The following ATXN3 variants were observed in gnomAD, a reference collection of about 807,000 sequenced individuals.
The protein encoded by ATXN3 is ataxin 3, also known as ataxin-3.
A neutral mutation model predicts 58.2 loss-of-function variants in ATXN3; 28 were observed. The observed-to-expected ratio is 0.48, with a 90% CI of 0.36 to 0.66. ATXN3 has a LOEUF of 0.66. Ranked by LOEUF, ATXN3 falls within the 30% of genes least tolerant of loss-of-function variation. ATXN3 has a pLI of 0.00. For synonymous variants in ATXN3, 113 were observed against 138.5 expected (o/e 0.82, Z 1.29); for missense variants, 321 against 422.1 (o/e 0.76, Z 2.10).
chr14:92,049,835 CAT>C (rs2057441973), upstream of ATXN3: 2 of 152,266 alleles, frequency 1.3e-5, no homozygotes, highest in Admixed American at 1.3e-4. Context: ...AAGAATGAGA[CAT>C]GTAAGTATCT....
In ATXN3 at chr14:92,083,273, C is replaced by T. The variant is rs759023768; in HGVS notation, c.476-15G>A. The T allele has an allele frequency of 2.4e-5, 38 of 1,587,486 alleles. No homozygotes were observed. The highest frequency in any genetic ancestry group is 3.2e-5 in the Non-Finnish European group (38 of 1,171,584). On this transcript the variant is annotated splice_polypyrimidine_tract_variant and intron_variant, in intron 6 of 10. Coordinates refer to ENST00000644486, the MANE Select transcript of ATXN3 (RefSeq NM_004993.6). ...TATAGAATAACCTAAAAAAAAAAGG[C>T]AAAAATCAACCTAACCAGTTAGTAA...
chr14:92,047,781 G>C (rs2057433952), intron 2 of ATXN3: 1 of 152,190 alleles, frequency 6.6e-6, no homozygotes, highest in South Asian at 2.1e-4. Flanking sequence ...AAGGGGTTTA[G>C]AATCCTGGCC....
At chr14:92,050,143 C>CGTGT (rs35730721), upstream of ATXN3, among the ~76,000 whole-genome samples, 7,049 of 147,612 alleles carry the variant, frequency 0.048, 194 homozygotes, top group Non-Finnish European at 0.053. Flanking sequence ...ACTTTGCTCT[C>CGTGT]GTGTGTGTGT....
intron 1 of ATXN3, among the ~76,000 whole-genome samples, chr14:92,099,738 C>T (rs965686936): frequency 2.6e-5 from 4 of 152,086 alleles, no homozygotes; most frequent in Admixed American, 6.6e-5. Flanking sequence ...CATGGTGGTG[C>T]GTGCTTGTAG....
At chr14:92,085,766 G>A (rs1050880914) in intron 6 of ATXN3, among the ~76,000 whole-genome samples, 5 of 152,172 alleles carry the variant, frequency 3.3e-5, no homozygotes, top group South Asian at 2.1e-4. Flanking sequence ...GTTAGTCAAA[G>A]CTAGGTGTTC....
intron 6 of ATXN3, among the ~76,000 whole-genome samples, chr14:92,087,374 C>T (rs534884559): frequency 5.1e-4 from 78 of 152,290 alleles, no homozygotes; most frequent in Middle Eastern, 3.4e-3. Context: ...TCACTTGAGC[C>T]CAGGAGTTTG....
At chr14:92,057,825 T>C (rs983911452), downstream of ATXN3, among the ~76,000 whole-genome samples, 1 of 152,126 alleles carries the variant, frequency 6.6e-6, no homozygotes, top group African/African-American at 2.4e-5. Flanking sequence ...GCCCTCAGTA[T>C]TAAAAATCAG....
intron 1 of ATXN3, among the ~76,000 whole-genome samples, chr14:92,100,994 G>A (rs1032760250): frequency 6.6e-6 from 1 of 152,026 alleles, no homozygotes; most frequent in African/African-American, 2.4e-5. Context: ...TATAGCAATA[G>A]TGACATCCAA....
chr14:92,106,233 G>A (rs574878588), intron 1 of ATXN3, among the ~76,000 whole-genome samples: 5 of 152,278 alleles, frequency 3.3e-5, no homozygotes, highest in African/African-American at 1.2e-4. Flanking sequence ...GAAAGTGACG[G>A]AGAAAGGCAG....
intron 1 of ATXN3, among the ~76,000 whole-genome samples, chr14:92,105,655 G>C (rs1380371597): frequency 6.6e-6 from 1 of 152,076 alleles, no homozygotes; most frequent in Non-Finnish European, 1.5e-5. Flanking sequence ...AGCTGTCCTG[G>C]GGAAGGCTTC....
At chr14:92,087,972 G>A (rs1156719080) in intron 6 of ATXN3, among the ~76,000 whole-genome samples, 2 of 152,222 alleles carry the variant, frequency 1.3e-5, no homozygotes, top group South Asian at 2.1e-4. Flanking sequence ...AAAAGACAAC[G>A]AGTCAGATCC....
intron 9 of ATXN3, among the ~76,000 whole-genome samples, chr14:92,075,409 C>T (rs1012646381): frequency 6.6e-6 from 1 of 152,080 alleles, no homozygotes; most frequent in Non-Finnish European, 1.5e-5. Context: ...TCAGATGATT[C>T]GCCTGCCTTG....
intron 3 of ATXN3, among the ~76,000 whole-genome samples, chr14:92,095,160 T>G (rs1042825663): frequency 9.2e-5 from 14 of 151,978 alleles, no homozygotes; most frequent in African/African-American, 3.1e-4. Flanking sequence ...TAGGCTGATT[T>G]AAAAGGATGG....
At chr14:92,050,617 A>G (rs2057444712), upstream of ATXN3, 1 of 152,298 alleles carries the variant, frequency 6.6e-6, no homozygotes, top group South Asian at 2.1e-4. Flanking sequence ...AAGCAGTGGG[A>G]TCATCAATAT....
At chr14:92,090,589 A>G (rs1056180294) in intron 5 of ATXN3, 10 of 152,236 alleles carry the variant, frequency 6.6e-5, no homozygotes, top group Admixed American at 4.6e-4. Flanking sequence ...GAAAGAGTCT[A>G]TAGTGAAAAA....
At chr14:92,051,718 CTTTTTTTTTTTTTTTTT>C (rs1160650510), upstream of ATXN3, among the ~76,000 whole-genome samples, 2 of 35,692 alleles carry the variant, frequency 5.6e-5, no homozygotes, top group South Asian at 1.8e-3. Flanking sequence ...CTTTTCCTTT[CTTTTTTTTTTTTTTTTT>C]TTTTTTTTTT....
In ATXN3 at chr14:92,079,185, C is replaced by CAAAAAAAAA. The variant is rs35515547; in HGVS notation, c.872+1771_872+1779dup. Among the ~76,000 whole-genome samples the CAAAAAAAAA allele has an allele frequency of 1.0e-4, 8 of 77,042 alleles. 1 individual carries two copies. The highest frequency in any genetic ancestry group is 1.5e-4 in the Non-Finnish European group (6 of 38,792). 50.5% of individuals were successfully genotyped at this position (77,042 alleles called of 152,430 possible). ...TGGGCAACAGAGCAAGACTCCATCTCAAAAAAAAAAAAAAAAAAAAGCAAG... is the reference window on the plus strand; with the variant it reads ...TGGGCAACAGAGCAAGACTCCATCTCAAAAAAAAAAAAAAAAAAAAAAAAAAAAAGCAAG... On this transcript the variant is annotated intron_variant, in intron 9 of 10. Coordinates refer to ENST00000644486, the MANE Select transcript of ATXN3 (RefSeq NM_004993.6).
chr14:92,070,893 G>A (rs1341216739), intron 10 of ATXN3, 42 bp downstream of exon 10: 1 of 1,613,910 alleles, frequency 6.2e-7, no homozygotes, highest in African/African-American at 1.3e-5. Flanking sequence ...GTCAGATAAA[G>A]TGTGAAGGTA....
chr14:92,105,591 C>G (rs1445210108), intron 1 of ATXN3, among the ~76,000 whole-genome samples: 1 of 152,124 alleles, frequency 6.6e-6, no homozygotes, highest in Non-Finnish European at 1.5e-5. Flanking sequence ...AACAGCCTTA[C>G]CAGCAACTCT....
Sources: allele counts gnomAD v4.1 joint callset (sites outside exome capture counted in the v4.1 genomes callset), GRCh38; gene constraint gnomAD v4.1.1; transcripts MANE v1.5; gene names NCBI Gene and HGNC (gene_info 2026-07-23, HGNC 2026-07-21).